NBAS: variants seen among roughly 807,000 people sequenced by gnomAD.
The protein encoded by NBAS is NAG/BC035112 fusion.
Under a neutral mutation model 302.5 loss-of-function variants are expected in NBAS, and 219 were observed. The observed-to-expected ratio is 0.72, with a 90% CI of 0.65 to 0.81. The LOEUF (loss-of-function observed/expected upper bound fraction) is 0.81, where lower values mean the gene tolerates loss of function less well. Among genes scored for constraint, NBAS ranks in the 30% least tolerant of loss-of-function variants. The pLI is 0.00. For missense variants in NBAS, 2,932 were observed against 2,841.6 expected, an observed-to-expected ratio of 1.03 and a Z score of -0.72; for synonymous variants, 1,118 against 1,021.6, an observed-to-expected ratio of 1.09 and a Z score of -1.80.
intron 25 of NBAS, among the ~76,000 whole-genome samples, chr2:15,413,796 C>G (rs1173904755): frequency 6.6e-6 from 1 of 152,142 alleles, no homozygotes; most frequent in South Asian, 2.1e-4. Context: ...AGGAAGACAA[C>G]ACTGAGAGAA....
chr2:15,304,656 G>A (rs561412739), intron 40 of NBAS, among the ~76,000 whole-genome samples: 15 of 152,298 alleles, frequency 9.8e-5, no homozygotes, highest in Admixed American at 6.5e-4. Flanking sequence ...AGTCTCAGAC[G>A]GAGATGAGGA....
intron 51 of NBAS, among the ~76,000 whole-genome samples, chr2:15,173,514 G>A (rs1664393819): frequency 6.6e-6 from 1 of 151,920 alleles, no homozygotes; most frequent in Admixed American, 6.6e-5. Context: ...CAACCACAAG[G>A]GTAGAAAAAT....
At chr2:15,378,950 A>G (rs1674890326) in intron 30 of NBAS, among the ~76,000 whole-genome samples, 2 of 152,156 alleles carry the variant, frequency 1.3e-5, no homozygotes, top group South Asian at 4.1e-4. Flanking sequence ...TAATTTTATA[A>G]AAAATTAACT....
chr2:14,848,131 G>C, the NBAS span, among the ~76,000 whole-genome samples: 2 of 152,202 alleles, frequency 1.3e-5, no homozygotes, highest in South Asian at 4.1e-4. Context: ...GAGCGACGCA[G>C]AAGACGGGTG....
At chr2:14,936,547 A>T in the NBAS span, among the ~76,000 whole-genome samples, 2 of 152,224 alleles carry the variant, frequency 1.3e-5, no homozygotes, top group African/African-American at 4.8e-5. Context: ...TACAGAGGGC[A>T]TGTGGAGGCA....
At chr2:15,088,553 G>C in the NBAS span, among the ~76,000 whole-genome samples, 3,163 of 152,228 alleles carry the variant, frequency 0.021, 133 homozygotes, top group East Asian at 0.11. Context: ...CAGGGCCAGA[G>C]AGCATGGCTT....
chr2:15,147,935 G>C, the NBAS span, among the ~76,000 whole-genome samples: 1 of 152,144 alleles, frequency 6.6e-6, no homozygotes, highest in Non-Finnish European at 1.5e-5. Flanking sequence ...GGCTAAATGT[G>C]TTTCAGACTG....
chr2:15,204,778 G>A (rs1387249186), intron 48 of NBAS, among the ~76,000 whole-genome samples: 5 of 152,038 alleles, frequency 3.3e-5, no homozygotes, highest in East Asian at 3.9e-4. Context: ...CAAACACCGC[G>A]TGTTCTCACT....
rs539345784 is a variant in NBAS at position 15,312,741 on chromosome 2, T to C, written c.4583-3494A>G. 5.3e-5 allele frequency among the ~76,000 whole-genome samples: 8 copies of C among 152,346 alleles called. 1 individual carries two copies. In the South Asian group the frequency reaches 1.7e-3, roughly 32 times the overall value. The stretch of plus-strand genomic sequence containing the variant: ...CCCAATAACTTTCATATTTCTAAAA[T>C]AGTACCTTATTTTCCCAATAAACTA... On this transcript the variant is annotated intron_variant, in intron 38 of 51. Coordinates refer to ENST00000281513, the MANE Select transcript of NBAS (RefSeq NM_015909.4).
chr2:15,034,029 G>GAA, the NBAS span, among the ~76,000 whole-genome samples: 217 of 11,488 alleles, frequency 0.019, 9 homozygotes, highest in Non-Finnish European at 0.022. Flanking sequence ...AAGAAGAAGA[G>GAA]GAGGAGGAAG....
chr2:15,409,018 T>C (rs1449418048), intron 25 of NBAS, among the ~76,000 whole-genome samples: 1 of 152,124 alleles, frequency 6.6e-6, no homozygotes, highest in Non-Finnish European at 1.5e-5. Flanking sequence ...TACAAAAAGT[T>C]ATTTTAAAAG....
intron 44 of NBAS, among the ~76,000 whole-genome samples, chr2:15,265,620 A>G (rs894973672): frequency 3.3e-5 from 5 of 152,192 alleles, no homozygotes; most frequent in Admixed American, 1.3e-4. Context: ...AGCAGCAACT[A>G]CAATATTAAT....
intron 42 of NBAS, among the ~76,000 whole-genome samples, chr2:15,283,963 C>A (rs1558501931): frequency 6.6e-6 from 1 of 151,994 alleles, no homozygotes; most frequent in Non-Finnish European, 1.5e-5. Context: ...ATGAAGATGG[C>A]TACTAAGTTT....
chr2:15,523,238 C>T (rs1456342227), intron 9 of NBAS, among the ~76,000 whole-genome samples: 5 of 152,094 alleles, frequency 3.3e-5, no homozygotes, highest in Non-Finnish European at 7.4e-5. Flanking sequence ...TACTATGATA[C>T]GCAATTTCCC....
At chr2:14,989,287 A>ATG in the NBAS span, among the ~76,000 whole-genome samples, 3 of 71,016 alleles carry the variant, frequency 4.2e-5, no homozygotes, top group South Asian at 1.1e-3. Flanking sequence ...TAGTAGATGT[A>ATG]TGTGTATGTG....
chr2:15,091,919 T>A, the NBAS span, among the ~76,000 whole-genome samples: 1 of 152,242 alleles, frequency 6.6e-6, no homozygotes, highest in Admixed American at 6.5e-5. Flanking sequence ...ACATACAACA[T>A]ACGTGTTAAA....
At chr2:14,961,999 C>A in the NBAS span, among the ~76,000 whole-genome samples, 1 of 152,162 alleles carries the variant, frequency 6.6e-6, no homozygotes, top group Non-Finnish European at 1.5e-5. Flanking sequence ...GTCTCGAACT[C>A]CTGACCTCAA....
chr2:15,376,044 G>C (rs908914767), intron 30 of NBAS, among the ~76,000 whole-genome samples: 2 of 152,170 alleles, frequency 1.3e-5, no homozygotes, highest in Admixed American at 6.5e-5. Context: ...AAAAATGATG[G>C]AAGGATAAAG....
At chr2:15,374,972 C>T (rs1359157750) in intron 30 of NBAS, among the ~76,000 whole-genome samples, 1 of 152,138 alleles carries the variant, frequency 6.6e-6, no homozygotes, top group Admixed American at 6.5e-5. Flanking sequence ...GTTACATCCA[C>T]AGTACATAAT....
Sources: allele counts gnomAD v4.1 joint callset (sites outside exome capture counted in the v4.1 genomes callset), GRCh38; gene constraint gnomAD v4.1.1; transcripts MANE v1.5; gene names NCBI Gene and HGNC (gene_info 2026-07-23, HGNC 2026-07-21).